The following PALM2AKAP2 variants were observed in gnomAD, a reference collection of about 807,000 sequenced individuals.
The protein encoded by PALM2AKAP2 is PALM2-AKAP2 fusion protein.
In PALM2AKAP2, 37 loss-of-function variants were observed where a neutral mutation model predicts 71.5. The observed-to-expected ratio is 0.52, with a 90% CI of 0.40 to 0.68. The LOEUF (loss-of-function observed/expected upper bound fraction) is 0.68. Among genes scored for constraint, PALM2AKAP2 ranks in the 30% least tolerant of loss-of-function variants. The probability of loss-of-function intolerance (pLI) is 0.00; values close to 1 mark genes in which losing one functional copy is unlikely to be tolerated. For synonymous variants in PALM2AKAP2, 468 were observed against 478.8 expected, an observed-to-expected ratio of 0.98 and a Z score of 0.29; for missense variants, 1,224 against 1,191.8, an observed-to-expected ratio of 1.03 and a Z score of -0.40.
intron 1 of PALM2AKAP2, among the ~76,000 whole-genome samples, chr9:110,129,862 CTTT>C (rs1031004922): frequency 8.5e-5 from 13 of 152,324 alleles, no homozygotes; most frequent in African/African-American, 3.1e-4. Context: ...CAGGACTTAA[CTTT>C]TAAGGACATT....
At chr9:109,797,431 C>T (rs935765832) in intron 1 of PALM2AKAP2, among the ~76,000 whole-genome samples, 2 of 152,230 alleles carry the variant, frequency 1.3e-5, no homozygotes, top group Admixed American at 1.3e-4. Flanking sequence ...TATCTCCCCT[C>T]CGCATGGAAA....
chr9:109,800,547 A>G (rs576467894), intron 1 of PALM2AKAP2, among the ~76,000 whole-genome samples: 26 of 152,272 alleles, frequency 1.7e-4, no homozygotes, highest in African/African-American at 5.5e-4. Flanking sequence ...GTTCCTATGT[A>G]TCACTAATTG....
intron 1 of PALM2AKAP2, among the ~76,000 whole-genome samples, chr9:110,057,358 C>G (rs1233492524): frequency 6.7e-6 from 1 of 149,952 alleles, no homozygotes; most frequent in South Asian, 2.1e-4. Context: ...CTACCCAGCT[C>G]CTTCTCTGTT....
chr9:110,155,449 C>T (rs577916850), intron 2 of PALM2AKAP2, among the ~76,000 whole-genome samples: 16 of 152,298 alleles, frequency 1.1e-4, no homozygotes, highest in African/African-American at 3.8e-4. Flanking sequence ...GAAGCCAGGG[C>T]CAGGCATTTC....
At chr9:109,800,641 T>C (rs779094675) in intron 1 of PALM2AKAP2, among the ~76,000 whole-genome samples, 33 of 152,254 alleles carry the variant, frequency 2.2e-4, no homozygotes, top group Non-Finnish European at 3.7e-4. Flanking sequence ...TGCTCCCAAC[T>C]GAGCAATGGT....
intron 1 of PALM2AKAP2, among the ~76,000 whole-genome samples, chr9:109,664,872 A>G (rs888818811): frequency 6.6e-6 from 1 of 152,158 alleles, no homozygotes; most frequent in African/African-American, 2.4e-5. Flanking sequence ...TATTTCTTGG[A>G]AGCTTTGTTT....
At chr9:109,846,442 GC>G (rs539457465) in intron 1 of PALM2AKAP2, among the ~76,000 whole-genome samples, 4 of 152,182 alleles carry the variant, frequency 2.6e-5, no homozygotes, top group Non-Finnish European at 5.9e-5. Context: ...TCTTGCTTGA[GC>G]CCCCACACTT....
chr9:110,101,066 AT>A (rs1202749533), intron 1 of PALM2AKAP2, among the ~76,000 whole-genome samples: 1 of 152,108 alleles, frequency 6.6e-6, no homozygotes, highest in Non-Finnish European at 1.5e-5. Flanking sequence ...ATCTTCTAGG[AT>A]TTGAAGCCCT....
upstream of PALM2AKAP2, among the ~76,000 whole-genome samples, chr9:110,044,857 A>G (rs1413099129): frequency 6.6e-6 from 1 of 151,986 alleles, no homozygotes; most frequent in African/African-American, 2.4e-5. Context: ...AGACACTTCT[A>G]AGTCTATTTT....
At chr9:109,717,402 C>T (rs950329518) in intron 1 of PALM2AKAP2, among the ~76,000 whole-genome samples, 1 of 152,122 alleles carries the variant, frequency 6.6e-6, no homozygotes, top group Admixed American at 6.5e-5. Flanking sequence ...GAGTAGCTCA[C>T]AGGAAGCTAG....
chr9:110,156,031 C>T (rs1004624085), intron 2 of PALM2AKAP2, among the ~76,000 whole-genome samples: 1 of 152,220 alleles, frequency 6.6e-6, no homozygotes, highest in African/African-American at 2.4e-5. Flanking sequence ...CTCAAAACAA[C>T]TGGAGCCACT....
intron 1 of PALM2AKAP2, among the ~76,000 whole-genome samples, chr9:109,670,869 A>G (rs1283447053): frequency 2.0e-5 from 3 of 152,208 alleles, no homozygotes; most frequent in Non-Finnish European, 4.4e-5. Flanking sequence ...TCTAATAATC[A>G]GTGATGTTGA....
chr9:109,963,722 G>T (rs1349414603), intron 6 of PALM2AKAP2, among the ~76,000 whole-genome samples: 1 of 152,188 alleles, frequency 6.6e-6, no homozygotes, highest in African/African-American at 2.4e-5. Context: ...CACCTCCCAA[G>T]ACTCTGAATT....
chr9:110,131,364 C>T (rs1310017408), intron 1 of PALM2AKAP2, among the ~76,000 whole-genome samples: 1 of 152,178 alleles, frequency 6.6e-6, no homozygotes, highest in Non-Finnish European at 1.5e-5. Context: ...TTCATATCCT[C>T]CTGTTTTTGC....
chr9:109,696,143 C>T (rs984535279), intron 1 of PALM2AKAP2, among the ~76,000 whole-genome samples: 5 of 151,914 alleles, frequency 3.3e-5, no homozygotes, highest in Non-Finnish European at 7.4e-5. Flanking sequence ...ATATGTACAA[C>T]TATCACATAT....
intron 6 of PALM2AKAP2, among the ~76,000 whole-genome samples, chr9:109,956,218 T>C (rs1831744680): frequency 6.6e-6 from 1 of 152,098 alleles, no homozygotes; most frequent in Admixed American, 6.6e-5. Flanking sequence ...TTGGCCAGGC[T>C]GGTCTCAAAC....
intron 1 of PALM2AKAP2, among the ~76,000 whole-genome samples, chr9:109,751,891 C>G (rs1206096512): frequency 6.6e-6 from 1 of 152,026 alleles, no homozygotes; most frequent in Non-Finnish European, 1.5e-5. Flanking sequence ...CCAAGGATAC[C>G]CTTTTTCTTT....
intron 1 of PALM2AKAP2, among the ~76,000 whole-genome samples, chr9:110,085,614 A>G (rs1050999013): frequency 2.0e-5 from 3 of 152,096 alleles, no homozygotes; most frequent in African/African-American, 7.3e-5. Context: ...ACAAGAAAAC[A>G]TAGTATACTC....
At chr9:109,983,249 C>T (rs1056619507) in intron 6 of PALM2AKAP2, among the ~76,000 whole-genome samples, 4 of 152,130 alleles carry the variant, frequency 2.6e-5, no homozygotes, top group Non-Finnish European at 4.4e-5. Context: ...GCCATAGATG[C>T]GAATACCTGA....
Sources: gnomAD v4.1 joint callset for allele counts (sites outside exome capture counted in the v4.1 genomes callset) on GRCh38, gnomAD v4.1.1 for gene constraint, MANE v1.5 for transcripts, NCBI Gene and HGNC (gene_info 2026-07-23, HGNC 2026-07-21) for gene names.